The following SPSB1 variants were observed in gnomAD, a reference collection of about 807,000 sequenced individuals.
SPSB1 encodes the protein splA/ryanodine receptor domain and SOCS box containing 1.
Under a neutral mutation model 21.2 loss-of-function variants are expected in SPSB1, and 8 were observed. The observed-to-expected ratio is 0.38, with a 90% CI of 0.22 to 0.68. The LOEUF (loss-of-function observed/expected upper bound fraction) is 0.68. SPSB1 is among the 30% of genes least tolerant of loss of function. The pLI is 0.53. For missense variants in SPSB1, 242 were observed against 377.8 expected (o/e 0.64, Z 2.98); for synonymous variants, 169 against 161.7 (o/e 1.05, Z -0.34).
intron 1 of SPSB1, among the ~76,000 whole-genome samples, chr1:9,303,059 C>T (rs1192680523): frequency 6.6e-6 from 1 of 152,114 alleles, no homozygotes; most frequent in Non-Finnish European, 1.5e-5. Flanking sequence ...CCCTGTGCCT[C>T]TGGGTCAGCA....
At position 9,299,419 on chromosome 1, in the gene SPSB1, G is replaced by A. The variant is rs1231723761; in HGVS notation, c.-150+6348G>A. On this transcript the variant is annotated intron_variant, in intron 1 of 2. Coordinates refer to ENST00000328089, the MANE Select transcript of SPSB1 (RefSeq NM_025106.4). ...TTCAGGAGGCCGAGGCAGGAGGATC[G>A]CTTGAACTTAGGAGTTTGAGACCAG... Among the ~76,000 whole-genome samples, 8 of 152,122 alleles carry A rather than the reference G, an allele frequency of 5.3e-5. No homozygotes were observed. The East Asian group carries it at 5.8e-4, about 11-fold the overall frequency.
At chr1:9,327,497 A>G (rs1453218458) in intron 1 of SPSB1, among the ~76,000 whole-genome samples, 1 of 152,110 alleles carries the variant, frequency 6.6e-6, no homozygotes, top group East Asian at 1.9e-4. Flanking sequence ...GCACCTTACG[A>G]GGCAGAGCAG....
chr1:9,363,938 T>C lies in SPSB1; in HGVS notation c.695-3510T>C, dbSNP rs1450808308. 6.6e-6 allele frequency among the ~76,000 whole-genome samples: 1 copy of C among 152,182 alleles called. No homozygotes were observed. Among genetic ancestry groups the C allele is most frequent in the Admixed American group, 6.5e-5 (1 of 15,282 alleles). On this transcript the variant is annotated intron_variant, in intron 2 of 2. Transcript: ENST00000328089. This position sits in a 1 kb window ranked among gnomAD's most constrained non-coding sequence, Gnocchi z 4.5. The stretch of plus-strand genomic sequence containing the variant: ...CTGGTCTCAAACTCCTGACCTCAGG[T>C]GATCACCCACCTCGGCCTCCCAAAG...
At chr1:9,347,070 C>T (rs1640176545) in intron 1 of SPSB1, among the ~76,000 whole-genome samples, 1 of 152,208 alleles carries the variant, frequency 6.6e-6, no homozygotes, top group South Asian at 2.1e-4. Flanking sequence ...GTTATCCGAG[C>T]ACTTTGGGTG....
intron 1 of SPSB1, among the ~76,000 whole-genome samples, chr1:9,323,161 G>C (rs1410300266): frequency 6.6e-6 from 1 of 152,216 alleles, no homozygotes; most frequent in Admixed American, 6.5e-5. Context: ...CATGTTGGAG[G>C]GGGGTATCCA....
chr1:9,356,239 G>T lies in SPSB1; in HGVS notation c.348G>T (p.Gly116=), dbSNP rs1177178880. Residue 116 remains glycine (G), a synonymous_variant, in exon 2 of 3, where the codon GGG becomes GGT. Transcript: ENST00000328089. This position sits in a 1 kb window ranked among gnomAD's most constrained non-coding sequence, Gnocchi z 7.4. ...MRQRGTHAVV[G]VATADAPLHS... ...AGCGGGGCACACACGCCGTGGTGGG[G>T]GTGGCGACGGCAGACGCCCCCCTGC... 6.2e-7 allele frequency: 1 copy of T among 1,606,054 alleles called. No individual in the cohort carries two copies. Among genetic ancestry groups the T allele is most frequent in the African/African-American group, 1.3e-5 (1 of 74,834 alleles).
At position 9,305,714 on chromosome 1, in the gene SPSB1, G is replaced by T. The variant is rs996381062; in HGVS notation, c.-150+12643G>T. Among the ~76,000 whole-genome samples the T allele has an allele frequency of 1.3e-5, 2 of 152,242 alleles. No individual in the cohort carries two copies. The highest frequency in any genetic ancestry group is 1.3e-4 in the Admixed American group (2 of 15,290). On this transcript the variant is annotated intron_variant, in intron 1 of 2. Coordinates refer to ENST00000328089, the MANE Select transcript of SPSB1 (RefSeq NM_025106.4). This position sits in a 1 kb window ranked among gnomAD's most constrained non-coding sequence, Gnocchi z 4.8. The stretch of plus-strand genomic sequence containing the variant: ...AAGCCTCTGTTCTCAGGAGCTGTTA[G>T]TGGGCCACTTGTCATTCATGCTTTT...
At chr1:9,325,473 C>T (rs1169160428) in intron 1 of SPSB1, among the ~76,000 whole-genome samples, 3 of 152,148 alleles carry the variant, frequency 2.0e-5, no homozygotes, top group Non-Finnish European at 4.4e-5. Context: ...CCCACCTCTT[C>T]AGGAAGGTGG....
intron 1 of SPSB1, among the ~76,000 whole-genome samples, chr1:9,309,228 A>AG (rs546744759): frequency 0.5 from 1,897 of 3,782 alleles, 44 homozygotes; most frequent in African/African-American, 0.51. Context: ...CAGATAAGCT[A>AG]GATCCCCCCT....
At position 9,338,309 on chromosome 1, in the gene SPSB1, G is replaced by T. The variant is rs191253084; in HGVS notation, c.-149-17434G>T. 3.7e-3 allele frequency among the ~76,000 whole-genome samples: 560 copies of T among 152,304 alleles called. 2 individuals carry two copies. Among genetic ancestry groups the T allele is most frequent in the Non-Finnish European group, 5.8e-3 (394 of 68,004 alleles). ...TTGTGGGGTGCCCCTGCCCAGGGGA[G>T]ACCCTGTCCCCAGGGAGGAGGTTCG... On this transcript the variant is annotated intron_variant, in intron 1 of 2. Transcript: ENST00000328089.
At chr1:9,364,442 C>G (rs577578598) in intron 2 of SPSB1, among the ~76,000 whole-genome samples, 1 of 152,182 alleles carries the variant, frequency 6.6e-6, no homozygotes, top group Non-Finnish European at 1.5e-5. Context: ...GAAACAAGTC[C>G]GGGCAGACGG....
chr1:9,355,929 A>G lies in SPSB1; in HGVS notation c.38A>G (p.Asp13Gly), dbSNP rs779184465. Residue 13 changes from aspartate to glycine, a missense_variant, in exon 2 of 3, where the codon GAC (aspartate) becomes GGC (glycine). By Grantham distance (94) the Asp-to-Gly change is moderately conservative. Transcript: ENST00000328089. ...QKVTGGIKTV[D>G]MRDPTYRPLK... The stretch of plus-strand genomic sequence containing the variant: ...GTCACTGGAGGGATCAAGACTGTGG[A>G]CATGAGGGACCCCACGTACAGGCCC... 6.2e-7 allele frequency: 1 copy of G among 1,606,458 alleles called. No individual in the cohort carries two copies. The highest frequency in any genetic ancestry group is 2.2e-5 in the East Asian group (1 of 44,758).
At chr1:9,297,618 C>T (rs918545775) in intron 1 of SPSB1, among the ~76,000 whole-genome samples, 4 of 151,960 alleles carry the variant, frequency 2.6e-5, no homozygotes, top group South Asian at 2.1e-4. Flanking sequence ...GCCCACTAAG[C>T]GGAGATTCTG....
Position 9,350,036 on chromosome 1 carries a change from C to T in SPSB1, c.-149-5707C>T, listed in dbSNP as rs141500134. On this transcript the variant is annotated intron_variant, in intron 1 of 2. Transcript: ENST00000328089. Reference sequence around the variant, plus strand: ...GCACATATATACACACATGAAGACACACCACACACATATACACACATCCAG... The same window carrying T: ...GCACATATATACACACATGAAGACATACCACACACATATACACACATCCAG... Among the ~76,000 whole-genome samples, 502 of 152,120 alleles carry T rather than the reference C, an allele frequency of 3.3e-3. 4 individuals carry two copies. The highest frequency in any genetic ancestry group is 0.01 in the African/African-American group (435 of 41,494).
At chr1:9,343,629 T>A (rs1361397774) in intron 1 of SPSB1, among the ~76,000 whole-genome samples, 3 of 152,190 alleles carry the variant, frequency 2.0e-5, no homozygotes, top group Non-Finnish European at 1.5e-5. Context: ...CATTTTCATT[T>A]CTCCGGGCTC....
chr1:9,336,854 A>T (rs144963825), intron 1 of SPSB1, among the ~76,000 whole-genome samples: 1 of 152,314 alleles, frequency 6.6e-6, no homozygotes, highest in African/African-American at 2.4e-5. Context: ...TTCTTTCTAT[A>T]GTCCCTGTCC....
intron 2 of SPSB1, among the ~76,000 whole-genome samples, chr1:9,358,868 C>T (rs1640420117): frequency 6.6e-6 from 1 of 152,142 alleles, no homozygotes; most frequent in South Asian, 2.1e-4. Flanking sequence ...GGGACTGGAG[C>T]CTATTTGAAC....
intron 1 of SPSB1, among the ~76,000 whole-genome samples, chr1:9,302,310 T>G (rs1639342960): frequency 6.6e-6 from 1 of 152,216 alleles, no homozygotes; most frequent in African/African-American, 2.4e-5. Flanking sequence ...TCTCTATGCT[T>G]CAGTACACAC....
intron 1 of SPSB1, among the ~76,000 whole-genome samples, chr1:9,332,417 G>C (rs1007592823): frequency 6.6e-6 from 1 of 152,186 alleles, no homozygotes; most frequent in South Asian, 2.1e-4. Flanking sequence ...GAATCTGGGT[G>C]AACTAGAGGT....
Sources: allele counts gnomAD v4.1 joint callset (sites outside exome capture counted in the v4.1 genomes callset), GRCh38; gene constraint gnomAD v4.1.1; non-coding constraint Gnocchi (gnomAD v3.1); transcripts MANE v1.5; gene names NCBI Gene and HGNC (gene_info 2026-07-23, HGNC 2026-07-21).